Variants in PARD3B observed in about 807,000 individuals in gnomAD.
PARD3B encodes the protein par-3 family cell polarity regulator beta, also known as partitioning defective 3 homolog B.
A neutral mutation model predicts 130.2 loss-of-function variants in PARD3B; 103 were observed. That is an observed-to-expected ratio of 0.79 (90% CI 0.67 to 0.93). The LOEUF is 0.93. Among genes scored for constraint, PARD3B ranks in the 40% least tolerant of loss-of-function variants. The pLI, the probability that PARD3B is intolerant of heterozygous loss-of-function variation, is 0.00. For missense variants in PARD3B, 1,609 were observed against 1,499.2 expected (o/e 1.07, Z -1.21); for synonymous variants, 583 against 553.2 (o/e 1.05, Z -0.76).
chr2:204,750,639 C>CACAT (rs1252936174), intron 2 of PARD3B, among the ~76,000 whole-genome samples: 2 of 151,420 alleles, frequency 1.3e-5, no homozygotes, highest in Non-Finnish European at 2.9e-5. Flanking sequence ...CATACACACA[C>CACAT]ACATACATAC....
chr2:204,876,125 T>C (rs1247968346), intron 2 of PARD3B, among the ~76,000 whole-genome samples: 6 of 152,174 alleles, frequency 3.9e-5, no homozygotes, highest in Admixed American at 1.3e-4. Flanking sequence ...GTATCCATCC[T>C]TGTAACAGTC....
At chr2:205,450,427 A>G (rs2048055297) in intron 20 of PARD3B, among the ~76,000 whole-genome samples, 1 of 150,016 alleles carries the variant, frequency 6.7e-6, no homozygotes, top group African/African-American at 2.4e-5. Context: ...AAGTGAGGAG[A>G]TGAAAGGCAA....
At chr2:205,442,315 T>TTTC (rs1553515315) in intron 20 of PARD3B, among the ~76,000 whole-genome samples, 1 of 146,670 alleles carries the variant, frequency 6.8e-6, no homozygotes, top group Non-Finnish European at 1.5e-5. Context: ...TTTTTTTTTT[T>TTTC]TGAGACGGAG....
chr2:205,079,832 C>T (rs1441494821), intron 4 of PARD3B, among the ~76,000 whole-genome samples: 1 of 151,910 alleles, frequency 6.6e-6, no homozygotes, highest in Non-Finnish European at 1.5e-5. Flanking sequence ...GTTTAATTCT[C>T]CATGAATTAT....
At chr2:204,755,790 A>T (rs1199563005) in intron 2 of PARD3B, among the ~76,000 whole-genome samples, 1 of 152,136 alleles carries the variant, frequency 6.6e-6, no homozygotes, top group Non-Finnish European at 1.5e-5. Flanking sequence ...ATCATAGAAC[A>T]TATAATTCTA....
chr2:205,199,732 G>C (rs1249617123), intron 15 of PARD3B, among the ~76,000 whole-genome samples: 3 of 152,112 alleles, frequency 2.0e-5, no homozygotes, highest in Non-Finnish European at 4.4e-5. Flanking sequence ...ACATAGGAGA[G>C]AATGATGGTC....
At chr2:204,886,008 G>T (rs2125679782) in intron 2 of PARD3B, among the ~76,000 whole-genome samples, 1 of 152,302 alleles carries the variant, frequency 6.6e-6, no homozygotes, top group Admixed American at 6.5e-5. Context: ...TTGGTCACCT[G>T]CAGAGAATAG....
rs181705788 is a variant in PARD3B, at chr2:205,483,741, T to A, written c.3045-16155T>A. 5.1e-3 allele frequency among the ~76,000 whole-genome samples: 781 copies of A among 152,282 alleles called. 4 individuals carry two copies. Among genetic ancestry groups the A allele is most frequent in the Non-Finnish European group, 7.7e-3 (521 of 68,030 alleles). On this transcript the variant is annotated intron_variant, in intron 20 of 22. Coordinates refer to ENST00000406610, the MANE Select transcript of PARD3B (RefSeq NM_001302769.2). ...ATATACAATAGGTATTCAGTTTTTT[T>A]AAAAATGCCAAAGTAAATATATAAA...
At chr2:205,057,567 A>G (rs1477875701) in intron 4 of PARD3B, among the ~76,000 whole-genome samples, 4 of 143,708 alleles carry the variant, frequency 2.8e-5, no homozygotes, top group Admixed American at 7.3e-5. Context: ...ATATACATAT[A>G]TGTATATGTG....
chr2:205,270,437 C>T (rs758573445), intron 16 of PARD3B, among the ~76,000 whole-genome samples: 10 of 152,024 alleles, frequency 6.6e-5, no homozygotes, highest in Middle Eastern at 3.4e-3. Flanking sequence ...TATCATGTCA[C>T]GTGTCTGTAA....
chr2:205,016,617 TC>T (rs1422887946), intron 3 of PARD3B, among the ~76,000 whole-genome samples: 1 of 152,184 alleles, frequency 6.6e-6, no homozygotes, highest in Non-Finnish European at 1.5e-5. Flanking sequence ...GAAACGAGGA[TC>T]CCAGGAACCT....
intron 4 of PARD3B, 37 bp from the exon 5 acceptor site, chr2:205,104,389 C>A: frequency 1.4e-6 from 2 of 1,414,696 alleles, no homozygotes; most frequent in Non-Finnish European, 2.0e-6. Context: ...ATTCAATATG[C>A]ACAGCATCAC....
At chr2:204,711,456 T>C (rs1381795792) in intron 2 of PARD3B, among the ~76,000 whole-genome samples, 1 of 152,202 alleles carries the variant, frequency 6.6e-6, no homozygotes, top group African/African-American at 2.4e-5. Flanking sequence ...AATAGGTAGG[T>C]AATAGGTATA....
intron 3 of PARD3B, among the ~76,000 whole-genome samples, chr2:204,999,432 T>C (rs1694641458): frequency 1.3e-5 from 2 of 152,226 alleles, no homozygotes; most frequent in Non-Finnish European, 2.9e-5. Flanking sequence ...CCTTTTTCTA[T>C]GAGTCTCACT....
intron 2 of PARD3B, among the ~76,000 whole-genome samples, chr2:204,804,722 C>T (rs555898728): frequency 2.0e-5 from 3 of 152,132 alleles, no homozygotes; most frequent in South Asian, 2.1e-4. Flanking sequence ...AAGGATAGAC[C>T]GTATGTTAGG....
chr2:205,092,868 T>C lies in PARD3B; in HGVS notation c.505-11558T>C, dbSNP rs149180273. The stretch of plus-strand genomic sequence containing the variant: ...TGTGGAACTTAGTTGATTTTAAATA[T>C]TGGTTTAAATGTATTTTATAAATAA... On this transcript the variant is annotated intron_variant, in intron 4 of 22. Transcript: ENST00000406610. 2.4e-4 allele frequency among the ~76,000 whole-genome samples: 36 copies of C among 152,296 alleles called. No individual in the cohort carries two copies. The East Asian group carries it at 5.0e-3, about 21-fold the overall frequency.
At chr2:205,607,731 C>G (rs1349194537) in intron 22 of PARD3B, among the ~76,000 whole-genome samples, 1 of 152,058 alleles carries the variant, frequency 6.6e-6, no homozygotes, top group Non-Finnish European at 1.5e-5. Flanking sequence ...CCTGCACTTA[C>G]ATTTCTGCTT....
chr2:204,787,732 A>C (rs988498433), intron 2 of PARD3B, among the ~76,000 whole-genome samples: 1 of 152,212 alleles, frequency 6.6e-6, no homozygotes, highest in Admixed American at 6.5e-5. Context: ...AATATACTGT[A>C]AATTTATCAG....
chr2:205,391,263 G>A (rs1034304070), intron 18 of PARD3B, among the ~76,000 whole-genome samples: 21 of 152,370 alleles, frequency 1.4e-4, no homozygotes, highest in African/African-American at 4.1e-4. Context: ...TGTTGTGGGC[G>A]CACAAATGCG....
Sources: allele counts gnomAD v4.1 joint callset (sites outside exome capture counted in the v4.1 genomes callset), GRCh38; gene constraint gnomAD v4.1.1; transcripts MANE v1.5; gene names NCBI Gene and HGNC (gene_info 2026-07-23, HGNC 2026-07-21).